Variants in USP6 observed in about 807,000 individuals in gnomAD.
The protein encoded by USP6 is ubiquitin carboxyl-terminal hydrolase 6.
USP6 carries 128 observed loss-of-function variants against 175.7 expected under a neutral mutation model. The observed-to-expected ratio is 0.73, with a 90% CI of 0.63 to 0.84. The LOEUF is 0.84. Among genes scored for constraint, USP6 ranks in the 40% least tolerant of loss-of-function variants. The pLI, the probability that USP6 is intolerant of heterozygous loss-of-function variation, is 0.00. For missense variants in USP6, 1,498 were observed against 1,760.3 expected, an observed-to-expected ratio of 0.85 and a Z score of 2.67; for synonymous variants, 562 against 630.6, an observed-to-expected ratio of 0.89 and a Z score of 1.63.
intron 9 of USP6, 88 bp from the exon 10 acceptor site, chr17:5,130,279 C>G: frequency 7.5e-7 from 1 of 1,337,304 alleles, no homozygotes. Flanking sequence ...ATACAACCAG[C>G]CAGCATCTGG....
chr17:5,138,838 A>T, intron 21 of USP6: 1 of 526,492 alleles, frequency 1.9e-6, no homozygotes, highest in Non-Finnish European at 3.3e-6. Flanking sequence ...TGGGCAGCCC[A>T]GGGGGGCAGA....
chr17:5,152,555 T>A (rs2073797118), intron 30 of USP6, among the ~76,000 whole-genome samples: 1 of 152,198 alleles, frequency 6.6e-6, no homozygotes, highest in Admixed American at 6.5e-5. Flanking sequence ...ATGAAAACAT[T>A]ACATGTCCAT....
rs1598072741 is a variant in USP6 at position 5,155,674 on chromosome 17, A to G, written c.2828+68A>G. 2.0e-6 allele frequency: 3 copies of G among 1,501,864 alleles called. No homozygotes were observed. In the East Asian group the frequency reaches 7.0e-5, roughly 35 times the overall value. 93.0% of individuals were successfully genotyped at this position (1,501,864 alleles called of 1,614,324 possible). On this transcript the variant is annotated intron_variant, in intron 31 of 37. Transcript: ENST00000574788. Reference sequence around the variant, plus strand: ...TAGAAAAATAATTTATATGAATTCTACATGACAGATAGGGCCCAGCCCATG... The same window carrying G: ...TAGAAAAATAATTTATATGAATTCTGCATGACAGATAGGGCCCAGCCCATG...
Position 5,169,031 on chromosome 17 carries a change from G to A in USP6, c.3493G>A (p.Ala1165Thr), listed in dbSNP as rs1210306886. The A allele has an allele frequency of 6.2e-6, 10 of 1,610,438 alleles. No individual in the cohort carries two copies. The highest frequency in any genetic ancestry group is 5.0e-5 in the Admixed American group (3 of 59,504). Reference protein sequence around the residue: ...LLSKSPSSLSANISSSPKGSP... With the variant: ...LLSKSPSSLSTNISSSPKGSP... ...AAGCAAAAGCCCATCCTCACTCAGC[G>A]CTAACATCAGCAGCAGCCCAAAAGG... The change falls in exon 35 of 38, where the codon GCT becomes ACT. Residue 1165 changes from alanine (A) to threonine (T), a missense_variant. By Grantham distance (58) the Ala-to-Thr change is moderately conservative. Around this residue, in one of 2 missense-constraint regions of USP6, gnomAD observed 1,217 missense variants for 1,500.8 expected, o/e 0.81. Coordinates refer to ENST00000574788, the MANE Select transcript of USP6 (RefSeq NM_001304284.2).
chr17:5,135,842 C>G lies in USP6; in HGVS notation c.578C>G (p.Thr193Ser). 1 of 1,599,046 alleles carries G rather than the reference C, an allele frequency of 6.3e-7. No homozygotes were observed. The highest frequency in any genetic ancestry group is 8.5e-7 in the Non-Finnish European group (1 of 1,179,772). The stretch of plus-strand genomic sequence containing the variant: ...TACTGCAGGGACCTGAGCCACATCA[C>G]CGCCTTGTTCCTCCTTTATCTGCCT... ...VGYCRDLSHI[T>S]ALFLLYLPEE... is the part of the protein sequence containing the mutation. Residue 193 changes from threonine to serine, a missense_variant, in exon 17 of 38, where the codon ACC (threonine) becomes AGC (serine). This residue lies in a region of USP6 where 281 missense variants were observed against 259.6 expected (regional missense o/e 1.08). Coordinates refer to ENST00000574788, the MANE Select transcript of USP6 (RefSeq NM_001304284.2).
chr17:5,144,215 C>T (rs1598040900), intron 25 of USP6, among the ~76,000 whole-genome samples: 1 of 151,874 alleles, frequency 6.6e-6, no homozygotes, highest in East Asian at 1.9e-4. Context: ...TTGAAGACAA[C>T]ATTACATTAT....
rs780270152 is a variant in USP6 at position 5,137,726 on chromosome 17, A to G, written c.901A>G (p.Ser301Gly). ...AGAACAGGTGTTGATGCCAATAACC[A>G]GCATTGCTCTTAAGGTTCAGCAGAG... is the stretch of plus-strand genomic sequence containing the variant. ...EGEQVLMPIT[S>G]IALKVQQKRL... The change falls in exon 20 of 38, where the codon AGC becomes GGC. Residue 301 changes from serine to glycine, a missense_variant. This residue lies in a region of USP6 where 1,217 missense variants were observed against 1,500.8 expected (regional missense o/e 0.81). Coordinates refer to ENST00000574788, the MANE Select transcript of USP6 (RefSeq NM_001304284.2). 2 of 1,608,802 alleles carry G rather than the reference A, an allele frequency of 1.2e-6. No individual in the cohort carries two copies. Among genetic ancestry groups the G allele is most frequent in the Non-Finnish European group, 1.7e-6 (2 of 1,176,398 alleles).
At chr17:5,167,750 C>G (rs1365324167) in intron 33 of USP6, among the ~76,000 whole-genome samples, 182 bp from the exon 34 acceptor site, 1 of 152,164 alleles carries the variant, frequency 6.6e-6, no homozygotes, top group Non-Finnish European at 1.5e-5. Context: ...CGATTCCCCC[C>G]ACCTCGGCCT....
chr17:5,135,172 A>G, intron 15 of USP6, 62 bp from the exon 16 acceptor site: 1 of 1,567,954 alleles, frequency 6.4e-7, no homozygotes. Context: ...GGATTTGTAG[A>G]CAAAGTGAAA....
In USP6 at chr17:5,162,945, A is replaced by C; in HGVS notation, c.2977A>C (p.Ile993Leu). 1.2e-6 allele frequency: 2 copies of C among 1,607,336 alleles called. No individual in the cohort carries two copies. Among genetic ancestry groups the C allele is most frequent in the Non-Finnish European group, 1.7e-6 (2 of 1,178,552 alleles). The change falls in exon 33 of 38, where the codon ATT (isoleucine) becomes CTT (leucine). Residue 993 changes from isoleucine (I) to leucine (L), a missense_variant. This residue lies in a region of USP6 where 1,217 missense variants were observed against 1,500.8 expected (regional missense o/e 0.81). Transcript: ENST00000574788. Reference sequence around the variant, plus strand: ...CAGAGCTTTCATTGGAAATGCCTATATTGCTGTGGATTGGCACCCCACAGC... The same window carrying C: ...CAGAGCTTTCATTGGAAATGCCTATCTTGCTGTGGATTGGCACCCCACAGC... ...EDRAFIGNAY[I>L]AVDWHPTALH...
chr17:5,162,761 C>G, intron 32 of USP6, 123 bp from the exon 33 acceptor site: 1 of 1,372,216 alleles, frequency 7.3e-7, no homozygotes, highest in South Asian at 1.5e-5. Context: ...GTTAGAAGCC[C>G]ATGACAAATT....
At chr17:5,130,502 G>T (rs1182268658) in intron 10 of USP6, 63 bp downstream of exon 10, 12 of 1,610,928 alleles carry the variant, frequency 7.4e-6, no homozygotes, top group Non-Finnish European at 8.5e-7. Context: ...AAAGGGTCCT[G>T]GGTTCCCTAG....
rs2074275057 is a variant in USP6, at chr17:5,173,897, G to A, written c.*919G>A. The A allele has an allele frequency of 4.5e-6, 1 of 222,354 alleles. No homozygotes were observed. The highest frequency in any genetic ancestry group is 5.7e-5 in the Admixed American group (1 of 17,404). The allele number at this position is 222,354 out of a possible 1,614,324, so 13.8% of individuals were successfully genotyped here. On this transcript the variant is annotated 3_prime_UTR_variant, in exon 38 of 38. Transcript: ENST00000574788. ...GGAGCTAGATCACGTTTCACAATTA[G>A]TGGTTATTCTTTTCTGTGTTTGTTT... is the stretch of plus-strand genomic sequence containing the variant.
At position 5,136,751 on chromosome 17, in the gene USP6, C is replaced by A. The variant is rs770464717; in HGVS notation, c.759+17C>A. The A allele has an allele frequency of 1.2e-6, 2 of 1,611,232 alleles. No individual in the cohort carries two copies. Among genetic ancestry groups the A allele is most frequent in the Non-Finnish European group, 1.7e-6 (2 of 1,178,956 alleles). ...TGGCATCAGGTGAGTTTATGGTCCC[C>A]TCGGCTCTTCTCAGAGGCCCTGCCT... On this transcript the variant is annotated intron_variant, in intron 18 of 37. Coordinates refer to ENST00000574788, the MANE Select transcript of USP6 (RefSeq NM_001304284.2).
chr17:5,139,815 G>T, intron 22 of USP6, 141 bp downstream of exon 22: 31 of 1,594,702 alleles, frequency 1.9e-5, no homozygotes, highest in Non-Finnish European at 2.6e-5. Context: ...TCAGGGCCTT[G>T]CCTCTGCCAC....
rs1156972112 is a variant in USP6 at position 5,135,232 on chromosome 17, A to G, written c.495-2A>G. Reference sequence around the variant, plus strand: ...CCATAGCCCCCTTTCTGTGTTTCCTAGGCAGAGGGAACTATTCTACATCCT... The same window carrying G: ...CCATAGCCCCCTTTCTGTGTTTCCTGGGCAGAGGGAACTATTCTACATCCT... On this transcript the variant is annotated splice_acceptor_variant, in intron 15 of 37. Transcript: ENST00000574788. LOFTEE classifies it high-confidence loss of function. 1 of 1,612,624 alleles carries G rather than the reference A, an allele frequency of 6.2e-7. No individual in the cohort carries two copies. The highest frequency in any genetic ancestry group is 8.5e-7 in the Non-Finnish European group (1 of 1,178,928).
At chr17:5,143,579 C>T (rs971274303) in intron 25 of USP6, among the ~76,000 whole-genome samples, 6 of 151,506 alleles carry the variant, frequency 4.0e-5, no homozygotes, top group African/African-American at 1.2e-4. Flanking sequence ...GAGTCATCAC[C>T]ACTCCCTAAT....
At chr17:5,147,428 A>T (rs1002434748) in intron 29 of USP6, among the ~76,000 whole-genome samples, 1 of 152,188 alleles carries the variant, frequency 6.6e-6, no homozygotes. Flanking sequence ...TGGAATTCAG[A>T]TCTCTTTGAA....
intron 25 of USP6, among the ~76,000 whole-genome samples, chr17:5,144,425 T>A (rs987194455): frequency 1.3e-5 from 2 of 152,144 alleles, no homozygotes; most frequent in African/African-American, 4.8e-5. Flanking sequence ...TTAAATAACA[T>A]CTATGTGCCT....
Sources: gnomAD v4.1 joint callset for allele counts (sites outside exome capture counted in the v4.1 genomes callset) on GRCh38, gnomAD v4.1.1 for gene constraint, gnomAD v4.1.1 regional missense constraint, MANE v1.5 for transcripts, NCBI Gene and HGNC (gene_info 2026-07-23, HGNC 2026-07-21) for gene names.